The following DAB1 variants were observed in gnomAD, a reference collection of about 807,000 sequenced individuals.
DAB1 encodes DAB adaptor protein 1, also known as disabled homolog 1.
In DAB1, 15 loss-of-function variants were observed where a neutral mutation model predicts 64.6. That is an observed-to-expected ratio of 0.23 (90% CI 0.16 to 0.36). The LOEUF is 0.36. Among genes scored for constraint, DAB1 ranks in the 10% least tolerant of loss-of-function variants. The probability of loss-of-function intolerance (pLI) is 1.00; values close to 1 mark genes in which losing one functional copy is unlikely to be tolerated. For missense variants in DAB1, 596 were observed against 706.7 expected (o/e 0.84, Z 1.78); for synonymous variants, 235 against 251.9 (o/e 0.93, Z 0.64).
intron 6 of DAB1, among the ~76,000 whole-genome samples, chr1:57,782,677 C>T (rs1650154683): frequency 6.6e-6 from 1 of 152,064 alleles, no homozygotes; most frequent in Admixed American, 6.6e-5. Context: ...ACAAAAGGTA[C>T]TATCTTGGGT....
intron 5 of DAB1, among the ~76,000 whole-genome samples, chr1:58,098,761 C>T (rs1476650421): frequency 1.3e-5 from 2 of 152,150 alleles, no homozygotes; most frequent in Non-Finnish European, 2.9e-5. Context: ...CGTGAAGCCC[C>T]GGAGAAGGTG....
chr1:57,955,232 G>A (rs1231840740), intron 5 of DAB1, among the ~76,000 whole-genome samples: 1 of 152,108 alleles, frequency 6.6e-6, no homozygotes, highest in Non-Finnish European at 1.5e-5. Context: ...GAGGCTCATG[G>A]CAGGTCTCCT....
At chr1:57,941,721 G>A (rs938894721) in intron 5 of DAB1, among the ~76,000 whole-genome samples, 17 of 152,100 alleles carry the variant, frequency 1.1e-4, no homozygotes, top group African/African-American at 4.1e-4. Context: ...TGTAATCCCA[G>A]CTACTCGGGA....
intron 7 of DAB1, among the ~76,000 whole-genome samples, chr1:57,486,325 A>C (rs1644091209): frequency 1.3e-5 from 2 of 152,184 alleles, no homozygotes; most frequent in South Asian, 2.1e-4. Flanking sequence ...TGCCTCTTCT[A>C]GGATTTACTA....
intron 4 of DAB1, among the ~76,000 whole-genome samples, chr1:57,101,029 T>C (rs1392762939): frequency 6.6e-6 from 1 of 152,208 alleles, no homozygotes; most frequent in Non-Finnish European, 1.5e-5. Flanking sequence ...TGAACACTGC[T>C]GGTCAGCAGC....
chr1:57,348,922 C>T (rs1678349308), intron 1 of DAB1, among the ~76,000 whole-genome samples: 1 of 152,216 alleles, frequency 6.6e-6, no homozygotes, highest in African/African-American at 2.4e-5. Flanking sequence ...AGACACCATG[C>T]TCCTCCCACA....
chr1:57,253,655 C>T (rs182680264), intron 2 of DAB1, among the ~76,000 whole-genome samples: 145 of 152,160 alleles, frequency 9.5e-4, no homozygotes, highest in Admixed American at 2.2e-3. Flanking sequence ...ATAGAAAGTC[C>T]GATAAGTTAG....
At chr1:58,050,318 T>TC (rs1173387712) in intron 5 of DAB1, among the ~76,000 whole-genome samples, 1 of 152,198 alleles carries the variant, frequency 6.6e-6, no homozygotes, top group Non-Finnish European at 1.5e-5. Context: ...GTAATATTAT[T>TC]ATATTTCTTT....
chr1:57,140,186 G>C (rs994517269), intron 3 of DAB1, among the ~76,000 whole-genome samples: 1 of 152,144 alleles, frequency 6.6e-6, no homozygotes, highest in Non-Finnish European at 1.5e-5. Context: ...CTCTGTGCCT[G>C]ACATTAGCCA....
intron 5 of DAB1, among the ~76,000 whole-genome samples, chr1:57,915,990 G>T (rs532839459): frequency 3.9e-4 from 60 of 152,294 alleles, no homozygotes; most frequent in African/African-American, 1.3e-3. Flanking sequence ...CTTCGTTGTT[G>T]GTTGGCATTG....
At chr1:57,782,726 A>C (rs1434994351) in intron 6 of DAB1, among the ~76,000 whole-genome samples, 1 of 152,172 alleles carries the variant, frequency 6.6e-6, no homozygotes, top group Non-Finnish European at 1.5e-5. Flanking sequence ...TAATGCTTTG[A>C]AGCTACAAAC....
At chr1:57,813,828 TAG>T (rs1483670537) in intron 6 of DAB1, among the ~76,000 whole-genome samples, 2 of 152,204 alleles carry the variant, frequency 1.3e-5, no homozygotes, top group African/African-American at 4.8e-5. Context: ...AGATAATTCA[TAG>T]ACTGTTTAGG....
At chr1:57,290,302 C>A (rs1337235646) in intron 2 of DAB1, among the ~76,000 whole-genome samples, 1 of 152,052 alleles carries the variant, frequency 6.6e-6, no homozygotes, top group African/African-American at 2.4e-5. Flanking sequence ...GATTAAGAGT[C>A]CAGTGGTTCT....
intron 4 of DAB1, among the ~76,000 whole-genome samples, chr1:58,180,940 T>A (rs1274824460): frequency 6.6e-6 from 1 of 152,196 alleles, no homozygotes; most frequent in Non-Finnish European, 1.5e-5. Flanking sequence ...AGAATATGCA[T>A]TCTGCTGCTG....
intron 3 of DAB1, among the ~76,000 whole-genome samples, chr1:58,464,676 G>A (rs1645277075): frequency 6.6e-6 from 1 of 152,146 alleles, no homozygotes. Flanking sequence ...GAGAATTAAA[G>A]GAAGTAATAT....
intron 5 of DAB1, among the ~76,000 whole-genome samples, chr1:57,968,341 A>G (rs1173502651): frequency 2.6e-5 from 4 of 152,170 alleles, no homozygotes; most frequent in African/African-American, 9.6e-5. Flanking sequence ...CGCAGGGCTA[A>G]GTGGCAACAG....
In DAB1 at chr1:57,958,925, C is replaced by T. The variant is rs148544664; in HGVS notation, n.388-74763G>A. On this transcript the variant is annotated intron_variant and non_coding_transcript_variant, in intron 5 of 20. Coordinates refer to the DAB1 transcript ENST00000485760. Reference sequence around the variant, plus strand: ...TTTGCTTACCTCTGTCAAGCTCTGTCTCCAAATAAGATCACATTCTGAGGA... The same window carrying T: ...TTTGCTTACCTCTGTCAAGCTCTGTTTCCAAATAAGATCACATTCTGAGGA... 1.4e-3 allele frequency among the ~76,000 whole-genome samples: 216 copies of T among 152,312 alleles called. 1 individual carries two copies. In the Middle Eastern group the frequency reaches 0.02, roughly 14 times the overall value.
intron 1 of DAB1, among the ~76,000 whole-genome samples, chr1:58,536,037 AAGAC>A (rs1352863677): frequency 5.3e-5 from 8 of 152,144 alleles, no homozygotes; most frequent in Non-Finnish European, 1.0e-4. Flanking sequence ...TCTAACAAGA[AAGAC>A]AATCAAAAAA....
At chr1:57,725,103 G>A (rs773024322) in intron 6 of DAB1, among the ~76,000 whole-genome samples, 9 of 152,148 alleles carry the variant, frequency 5.9e-5, no homozygotes, top group East Asian at 1.9e-4. Context: ...ATACAAACCC[G>A]GGTGTGGTTC....
Sources: gnomAD v4.1 joint callset for allele counts (sites outside exome capture counted in the v4.1 genomes callset) on GRCh38, gnomAD v4.1.1 for gene constraint, MANE v1.5 for transcripts, NCBI Gene and HGNC (gene_info 2026-07-23, HGNC 2026-07-21) for gene names.